WDFY3: variants seen among roughly 807,000 people sequenced by gnomAD.
WDFY3 encodes WD repeat and FYVE domain-containing protein 3.
In WDFY3, 66 loss-of-function variants were observed where a neutral mutation model predicts 409.6. That is an observed-to-expected ratio of 0.16 (90% CI 0.13 to 0.20). The LOEUF (loss-of-function observed/expected upper bound fraction) is 0.20. WDFY3 is among the 10% of genes least tolerant of loss of function. The pLI is 1.00. For synonymous variants in WDFY3, 1,521 were observed against 1,537.1 expected (o/e 0.99, Z 0.25); for missense variants, 3,031 against 4,298.1 (o/e 0.71, Z 8.24).
At position 84,679,182 on chromosome 4, in the gene WDFY3, T is replaced by C; in HGVS notation, c.9884A>G (p.Gln3295Arg). 2 of 1,607,740 alleles carry C rather than the reference T, an allele frequency of 1.2e-6. No homozygotes were observed. Among genetic ancestry groups the C allele is most frequent in the Non-Finnish European group, 1.7e-6 (2 of 1,176,010 alleles). The change falls in exon 65 of 68, where the codon CAG (glutamine) becomes CGG (arginine). Residue 3295 changes from glutamine to arginine, a missense_variant. By Grantham distance (43) the Gln-to-Arg change is conservative (BLOSUM62 1). Coordinates refer to ENST00000295888, the MANE Select transcript of WDFY3 (RefSeq NM_014991.6). ...TTGGCTTGGAGTGTCCTTAGGGTCC[T>C]GGCTGATGCTCTGCTCATCTGCTTC... is the stretch of plus-strand genomic sequence containing the variant. Reference protein sequence around the residue: ...DSEADEQSISQDPKDTPSQPS... With the variant: ...DSEADEQSISRDPKDTPSQPS...
chr4:84,915,828 A>G (rs960781696), intron 2 of WDFY3, among the ~76,000 whole-genome samples: 10 of 152,182 alleles, frequency 6.6e-5, no homozygotes, highest in Non-Finnish European at 1.5e-4. Context: ...AAAGGTTTTA[A>G]TTATACACAC....
intron 13 of WDFY3, among the ~76,000 whole-genome samples, chr4:84,816,747 G>A (rs1360974094): frequency 6.6e-6 from 1 of 151,986 alleles, no homozygotes; most frequent in Non-Finnish European, 1.5e-5. Context: ...AGTAATATGG[G>A]AGAATGTGAG....
chr4:84,713,014 T>C (rs1408908064), intron 51 of WDFY3, 145 bp downstream of exon 51: 1 of 779,098 alleles, frequency 1.3e-6, no homozygotes, highest in Non-Finnish European at 2.1e-6. Context: ...TTTTCTTTTC[T>C]TCCTTTAGTT....
chr4:84,747,726 AG>A (rs1464381626), intron 36 of WDFY3, among the ~76,000 whole-genome samples: 1 of 151,984 alleles, frequency 6.6e-6, no homozygotes, highest in Non-Finnish European at 1.5e-5. Context: ...TGGTTTTATA[AG>A]GGGGTTTTCC....
intron 4 of WDFY3, among the ~76,000 whole-genome samples, chr4:84,851,836 G>A (rs1300357261): frequency 6.6e-6 from 1 of 152,050 alleles, no homozygotes; most frequent in African/African-American, 2.4e-5. Flanking sequence ...ACCAAAGCCC[G>A]TAAACACTGT....
chr4:84,675,813 T>G (rs549072382), intron 67 of WDFY3, among the ~76,000 whole-genome samples: 8 of 152,320 alleles, frequency 5.3e-5, no homozygotes, highest in Admixed American at 3.9e-4. Flanking sequence ...CGACTGTGGA[T>G]GTGTATCTGG....
At chr4:84,758,421 A>T (rs1438104394) in intron 32 of WDFY3, among the ~76,000 whole-genome samples, 4 of 151,984 alleles carry the variant, frequency 2.6e-5, no homozygotes, top group Admixed American at 6.6e-5. Flanking sequence ...AATTAAAAAA[A>T]TTTTTTGGTA....
intron 42 of WDFY3, among the ~76,000 whole-genome samples, chr4:84,735,886 T>C (rs1737357323): frequency 6.6e-6 from 1 of 152,194 alleles, no homozygotes. Context: ...AGTAATAACA[T>C]TATTGAAAGC....
chr4:84,781,014 T>C (rs1746417834), intron 25 of WDFY3, among the ~76,000 whole-genome samples: 1 of 152,004 alleles, frequency 6.6e-6, no homozygotes, highest in Non-Finnish European at 1.5e-5. Flanking sequence ...TTGGGGACAA[T>C]AAAAGTCACT....
In WDFY3 at chr4:84,669,912, TAA is replaced by T. The variant is rs1171277729; in HGVS notation, c.*2954_*2955del. 3 of 152,500 alleles carry T rather than the reference TAA, an allele frequency of 2.0e-5. No individual in the cohort carries two copies. Among genetic ancestry groups the T allele is most frequent in the Non-Finnish European group, 2.9e-5 (2 of 68,028 alleles). 9.4% of individuals were successfully genotyped at this position (152,500 alleles called of 1,614,324 possible). A position where few individuals can be genotyped will look rare whatever the true frequency, so the allele number is the denominator to read the frequency against. On this transcript the variant is annotated 3_prime_UTR_variant, in exon 68 of 68. Transcript: ENST00000295888. ...CACTGACACAAAAAGTCAGCTGTGT[TAA>T]GAGTCATGCAACAAGTAACCAAACT...
intron 39 of WDFY3, 30 bp from the exon 40 acceptor site, chr4:84,739,149 T>C (rs780535395): frequency 2.5e-6 from 4 of 1,603,300 alleles, no homozygotes; most frequent in Non-Finnish European, 3.4e-6. Context: ...TTAAACTTTA[T>C]GAAGGAAATG....
intron 1 of WDFY3, among the ~76,000 whole-genome samples, chr4:84,952,057 C>T (rs1376440278): frequency 6.6e-6 from 1 of 152,142 alleles, no homozygotes; most frequent in Non-Finnish European, 1.5e-5. Flanking sequence ...AGTACTATTA[C>T]CTCAGAAAAG....
At chr4:84,715,861 T>C (rs113192861) in intron 49 of WDFY3, among the ~76,000 whole-genome samples, 6 of 149,632 alleles carry the variant, frequency 4.0e-5, no homozygotes, top group African/African-American at 9.8e-5. Flanking sequence ...ACACAATAAA[T>C]AGATATTTCT....
chr4:84,940,036 A>C (rs967989023), intron 1 of WDFY3, among the ~76,000 whole-genome samples: 1 of 152,076 alleles, frequency 6.6e-6, no homozygotes, highest in Non-Finnish European at 1.5e-5. Context: ...GATACCTTCA[A>C]TTCCAATCCA....
chr4:84,888,068 T>C (rs892024388), intron 3 of WDFY3, among the ~76,000 whole-genome samples: 5 of 152,148 alleles, frequency 3.3e-5, no homozygotes, highest in Non-Finnish European at 5.9e-5. Context: ...ATCTGACACA[T>C]AGGGGAAATG....
At chr4:84,778,471 T>C in intron 27 of WDFY3, 32 bp downstream of exon 27, 1 of 1,514,942 alleles carries the variant, frequency 6.6e-7, no homozygotes, top group Admixed American at 2.3e-5. Flanking sequence ...CATTCATTGA[T>C]TATATATTAT....
chr4:84,746,274 G>A (rs1739437569), intron 36 of WDFY3, among the ~76,000 whole-genome samples: 1 of 151,870 alleles, frequency 6.6e-6, no homozygotes, highest in Non-Finnish European at 1.5e-5. Context: ...CCATGACTGT[G>A]CCACTGCATT....
intron 23 of WDFY3, 124 bp from the exon 24 acceptor site, chr4:84,786,263 A>C: frequency 1.1e-6 from 1 of 919,498 alleles, no homozygotes; most frequent in Non-Finnish European, 1.6e-6. Flanking sequence ...TAAGAGAGGT[A>C]AATTTAAAAA....
At chr4:84,756,515 G>A (rs1201469969) in intron 33 of WDFY3, among the ~76,000 whole-genome samples, 3 of 151,518 alleles carry the variant, frequency 2.0e-5, no homozygotes, top group East Asian at 1.9e-4. Flanking sequence ...AACCCGGGAG[G>A]TGGAATTTTC....
Sources: allele counts gnomAD v4.1 joint callset (sites outside exome capture counted in the v4.1 genomes callset), GRCh38; gene constraint gnomAD v4.1.1; transcripts MANE v1.5; gene names NCBI Gene and HGNC (gene_info 2026-07-23, HGNC 2026-07-21).